Variants in CCDC192 observed in about 807,000 individuals in gnomAD.
The protein encoded by CCDC192 is coiled-coil domain containing 192, also known as coiled-coil domain-containing protein 192.
At chr5:127,790,215 G>A (rs1756787164) in intron 3 of CCDC192, among the ~76,000 whole-genome samples, 1 of 152,150 alleles carries the variant, frequency 6.6e-6, no homozygotes, top group Non-Finnish European at 1.5e-5. Context: ...TTGGATGTAT[G>A]TGGGACTCAT....
At chr5:127,911,624 C>G (rs1461087788) in intron 6 of CCDC192, among the ~76,000 whole-genome samples, 1 of 151,140 alleles carries the variant, frequency 6.6e-6, no homozygotes, top group Non-Finnish European at 1.5e-5. Flanking sequence ...AGTAAACTTA[C>G]TAAACAATGT....
intron 6 of CCDC192, among the ~76,000 whole-genome samples, chr5:127,924,554 A>G (rs894774296): frequency 6.6e-6 from 1 of 152,200 alleles, no homozygotes; most frequent in African/African-American, 2.4e-5. Flanking sequence ...TCCATAAACA[A>G]TTGAGAAGTG....
chr5:127,735,767 T>C (rs1371573768), intron 2 of CCDC192, among the ~76,000 whole-genome samples: 7 of 131,580 alleles, frequency 5.3e-5, no homozygotes, highest in African/African-American at 1.6e-4. Flanking sequence ...GTGATTTTTG[T>C]ACATTGATTT....
intron 3 of CCDC192, among the ~76,000 whole-genome samples, chr5:127,782,282 T>C (rs1186355542): frequency 6.6e-6 from 1 of 152,156 alleles, no homozygotes; most frequent in Non-Finnish European, 1.5e-5. Context: ...GTTTCCTTTT[T>C]TGGATATGTC....
At chr5:127,884,006 C>A (rs1752458277) in intron 6 of CCDC192, among the ~76,000 whole-genome samples, 1 of 152,034 alleles carries the variant, frequency 6.6e-6, no homozygotes, top group Non-Finnish European at 1.5e-5. Flanking sequence ...CCTTGGCTGT[C>A]CAGGCTTAAC....
At chr5:127,788,304 TCTATGTGA>T (rs1170429978) in intron 3 of CCDC192, among the ~76,000 whole-genome samples, 3 of 152,156 alleles carry the variant, frequency 2.0e-5, no homozygotes, top group Admixed American at 6.5e-5. Flanking sequence ...TTTGACAACA[TCTATGTGA>T]CTATGTGACT....
Position 127,827,807 on chromosome 5 carries a change from T to C in CCDC192, c.411+29645T>C, listed in dbSNP as rs529515330. On this transcript the variant is annotated intron_variant, in intron 5 of 6. Coordinates refer to ENST00000514853, the MANE Select transcript of CCDC192 (RefSeq NM_001317938.2). ...AACTTCCAACTCCTCCGGCGCAGTCTCACCAGTACCTAGACAGAAAAATGA... is the reference window on the plus strand; with the variant it reads ...AACTTCCAACTCCTCCGGCGCAGTCCCACCAGTACCTAGACAGAAAAATGA... Among the ~76,000 whole-genome samples, 3 of 152,342 alleles carry C rather than the reference T, an allele frequency of 2.0e-5. No individual in the cohort carries two copies. In the East Asian group the frequency reaches 5.8e-4, roughly 29 times the overall value.
chr5:127,885,876 G>C lies in CCDC192; in HGVS notation c.535+10215G>C, dbSNP rs148086508. Among the ~76,000 whole-genome samples the C allele has an allele frequency of 5.2e-3, 793 of 152,116 alleles. 19 individuals are homozygous for C. Among genetic ancestry groups the C allele is most frequent in the Non-Finnish European group, 1.6e-3 (108 of 68,002 alleles). On this transcript the variant is annotated intron_variant, in intron 6 of 6. Coordinates refer to ENST00000514853, the MANE Select transcript of CCDC192 (RefSeq NM_001317938.2). ...GGTATTCTAAAGATACACTGGCTTG[G>C]ACCAGATTACCCTACTATGCCTCTA...
At position 127,709,346 on chromosome 5, in the gene CCDC192, T is replaced by C. The variant is rs181687179; in HGVS notation, c.114+1586T>C. On this transcript the variant is annotated intron_variant, in intron 2 of 6. Coordinates refer to ENST00000514853, the MANE Select transcript of CCDC192 (RefSeq NM_001317938.2). The stretch of plus-strand genomic sequence containing the variant: ...CAAGGGGATGGGGCTAAACCATTCG[T>C]GAGAAACTGCCTCCATGATCCAATC... Among the ~76,000 whole-genome samples the C allele has an allele frequency of 3.4e-3, 524 of 152,168 alleles. 1 individual carries two copies. Among genetic ancestry groups the C allele is most frequent in the Non-Finnish European group, 5.7e-3 (388 of 68,008 alleles).
intron 2 of CCDC192, among the ~76,000 whole-genome samples, chr5:127,732,106 A>G (rs1436777658): frequency 6.6e-6 from 1 of 152,196 alleles, no homozygotes; most frequent in Non-Finnish European, 1.5e-5. Context: ...TTCATCTGAC[A>G]AAGGTCTAAT....
intron 2 of CCDC192, among the ~76,000 whole-genome samples, chr5:127,742,229 T>G (rs1753459550): frequency 6.6e-6 from 1 of 152,322 alleles, no homozygotes; most frequent in South Asian, 2.1e-4. Flanking sequence ...TATTTAAAGT[T>G]ATTTATGAAG....
At chr5:127,758,914 G>T (rs1394416275) in intron 3 of CCDC192, among the ~76,000 whole-genome samples, 1 of 152,214 alleles carries the variant, frequency 6.6e-6, no homozygotes, top group Non-Finnish European at 1.5e-5. Flanking sequence ...ACAAAAGATA[G>T]TGTCAAGAAA....
At chr5:127,792,005 G>C (rs1433181046) in intron 3 of CCDC192, among the ~76,000 whole-genome samples, 2 of 152,188 alleles carry the variant, frequency 1.3e-5, no homozygotes, top group East Asian at 1.9e-4. Context: ...TAAGGAGACA[G>C]AGATTATAAG....
At chr5:127,860,398 A>G (rs1443863069) in intron 5 of CCDC192, among the ~76,000 whole-genome samples, 1 of 152,198 alleles carries the variant, frequency 6.6e-6, no homozygotes, top group East Asian at 1.9e-4. Flanking sequence ...GGTGAGAAAA[A>G]CATGCAAGTC....
chr5:127,719,960 T>C (rs891390655), intron 2 of CCDC192, among the ~76,000 whole-genome samples: 6 of 151,928 alleles, frequency 3.9e-5, no homozygotes, highest in East Asian at 1.9e-4. Flanking sequence ...TCCTCCAACA[T>C]TGGGGATCAC....
intron 6 of CCDC192, among the ~76,000 whole-genome samples, chr5:127,898,112 GTT>G (rs200561865): frequency 6.9e-6 from 1 of 145,320 alleles, no homozygotes; most frequent in South Asian, 2.2e-4. Flanking sequence ...ATATGGTCCA[GTT>G]TTTTTTTTTT....
chr5:127,714,550 G>A (rs999951315), intron 2 of CCDC192, among the ~76,000 whole-genome samples: 1 of 152,028 alleles, frequency 6.6e-6, no homozygotes, highest in Non-Finnish European at 1.5e-5. Context: ...CACCACACCT[G>A]CATAACTTTT....
At position 127,845,206 on chromosome 5, in the gene CCDC192, T is replaced by C. The variant is rs138274799; in HGVS notation, c.412-30332T>C. On this transcript the variant is annotated intron_variant, in intron 5 of 6. Coordinates refer to ENST00000514853, the MANE Select transcript of CCDC192 (RefSeq NM_001317938.2). ...CCAAGAAGCCATGTTCTTGCCTCCA[T>C]GTCAGTCATGGAGACTGGAGCTGTC... Among the ~76,000 whole-genome samples, 711 of 152,278 alleles carry C rather than the reference T, an allele frequency of 4.7e-3. 5 individuals carry two copies. The highest frequency in any genetic ancestry group is 0.016 in the African/African-American group (681 of 41,548).
At chr5:127,756,603 A>T (rs1377373721) in intron 3 of CCDC192, among the ~76,000 whole-genome samples, 1 of 152,204 alleles carries the variant, frequency 6.6e-6, no homozygotes, top group African/African-American at 2.4e-5. Flanking sequence ...TACAATAGTG[A>T]TGTTATCCCC....
Sources: allele counts gnomAD v4.1 joint callset (sites outside exome capture counted in the v4.1 genomes callset), GRCh38; gene constraint gnomAD v4.1.1; transcripts MANE v1.5; gene names NCBI Gene and HGNC (gene_info 2026-07-23, HGNC 2026-07-21).